SPATA17: variants seen among roughly 807,000 people sequenced by gnomAD.
SPATA17 encodes the protein spermatogenesis-associated protein 17.
Under a neutral mutation model 62.2 loss-of-function variants are expected in SPATA17, and 53 were observed. That is an observed-to-expected ratio of 0.85 (90% CI 0.68 to 1.07). The LOEUF (loss-of-function observed/expected upper bound fraction) is 1.07, where lower values mean the gene tolerates loss of function less well. Among genes scored for constraint, SPATA17 ranks in the 50% least tolerant of loss-of-function variants. The pLI is 0.00. For missense variants in SPATA17, 466 were observed against 425.5 expected, an observed-to-expected ratio of 1.10 and a Z score of -0.84; for synonymous variants, 146 against 146.8, an observed-to-expected ratio of 0.99 and a Z score of 0.04.
intron 7 of SPATA17, among the ~76,000 whole-genome samples, chr1:217,779,433 T>C (rs1032869661): frequency 6.6e-6 from 1 of 151,848 alleles, no homozygotes; most frequent in African/African-American, 2.4e-5. Flanking sequence ...TTCCTTCTTC[T>C]TCTGTCTCCT....
intron 6 of SPATA17, among the ~76,000 whole-genome samples, chr1:217,755,870 A>G (rs1673028883): frequency 6.6e-6 from 1 of 151,998 alleles, no homozygotes; most frequent in Non-Finnish European, 1.5e-5. Context: ...TTTTGTTTAT[A>G]TATCTATACC....
chr1:217,745,849 C>A (rs543362576), intron 6 of SPATA17, among the ~76,000 whole-genome samples: 1 of 152,100 alleles, frequency 6.6e-6, no homozygotes, highest in South Asian at 2.1e-4. Context: ...AATTAACAAC[C>A]ATTTATACTT....
chr1:217,632,634 T>C (rs562148400), intron 1 of SPATA17, among the ~76,000 whole-genome samples: 25 of 152,318 alleles, frequency 1.6e-4, no homozygotes, highest in African/African-American at 5.3e-4. Flanking sequence ...GTGTCTCTTA[T>C]TTTGCTCACC....
intron 5 of SPATA17, among the ~76,000 whole-genome samples, chr1:217,688,541 A>G (rs1671275815): frequency 6.6e-6 from 1 of 152,198 alleles, no homozygotes; most frequent in African/African-American, 2.4e-5. Context: ...TTAGACTGTC[A>G]CATAGGTCGA....
At chr1:217,746,396 T>C (rs1187863654) in intron 6 of SPATA17, among the ~76,000 whole-genome samples, 1 of 151,758 alleles carries the variant, frequency 6.6e-6, no homozygotes. Context: ...GATGTTAGTA[T>C]GGTTTATAGA....
At chr1:217,779,073 C>G (rs1212852434) in intron 7 of SPATA17, among the ~76,000 whole-genome samples, 1 of 150,616 alleles carries the variant, frequency 6.6e-6, no homozygotes, top group Non-Finnish European at 1.5e-5. Context: ...GGTATATCAG[C>G]CCATATGGAA....
intron 6 of SPATA17, among the ~76,000 whole-genome samples, chr1:217,747,129 G>A (rs1672778015): frequency 6.6e-6 from 1 of 152,020 alleles, no homozygotes; most frequent in Admixed American, 6.6e-5. Flanking sequence ...GGTTGATTTG[G>A]ATAAAGTAAA....
At chr1:217,822,330 T>C (rs1316023824) in intron 9 of SPATA17, among the ~76,000 whole-genome samples, 2 of 151,964 alleles carry the variant, frequency 1.3e-5, no homozygotes, top group East Asian at 3.9e-4. Context: ...AAAATCTTTT[T>C]AGACATTTAT....
intron 3 of SPATA17, among the ~76,000 whole-genome samples, chr1:217,657,972 C>G (rs909509643): frequency 6.6e-6 from 1 of 152,112 alleles, no homozygotes; most frequent in African/African-American, 2.4e-5. Context: ...GGAGGAAAAG[C>G]CCCCTATAAA....
intron 9 of SPATA17, among the ~76,000 whole-genome samples, chr1:217,806,372 C>T (rs995287446): frequency 1.3e-5 from 2 of 152,054 alleles, no homozygotes; most frequent in Admixed American, 6.6e-5. Flanking sequence ...TCTAGAGAGG[C>T]GGCCCCACTC....
chr1:217,761,027 T>A (rs1673160974), intron 6 of SPATA17, among the ~76,000 whole-genome samples: 1 of 151,912 alleles, frequency 6.6e-6, no homozygotes, highest in African/African-American at 2.4e-5. Flanking sequence ...CATAAGGGAG[T>A]CATAGTGAAG....
At chr1:217,711,000 C>A (rs1671848620) in intron 5 of SPATA17, among the ~76,000 whole-genome samples, 1 of 152,122 alleles carries the variant, frequency 6.6e-6, no homozygotes, top group African/African-American at 2.4e-5. Context: ...GTACATAATT[C>A]CTTGTTATTG....
intron 4 of SPATA17, among the ~76,000 whole-genome samples, chr1:217,677,353 T>C (rs1234223820): frequency 2.0e-5 from 3 of 152,098 alleles, no homozygotes; most frequent in Non-Finnish European, 2.9e-5. Context: ...GTGTCAGATA[T>C]ATAAAGATTC....
Position 217,667,087 on chromosome 1 carries a change from AC to A in SPATA17, c.241-1944del, listed in dbSNP as rs559486416. On this transcript the variant is annotated intron_variant, in intron 3 of 10. Coordinates refer to ENST00000366933, the MANE Select transcript of SPATA17 (RefSeq NM_138796.4). Reference sequence around the variant, plus strand: ...TTTTGTGACGGAGTCTCACTCTGTCACCTGGGCTGGAATGCAGTGGCTTGAT... The same window carrying A: ...TTTTGTGACGGAGTCTCACTCTGTCACTGGGCTGGAATGCAGTGGCTTGAT... Among the ~76,000 whole-genome samples the A allele has an allele frequency of 1.8e-4, 22 of 121,452 alleles. No homozygotes were observed. In the East Asian group the frequency reaches 5.0e-3, roughly 28 times the overall value. The allele number at this position is 121,452 out of a possible 152,430, so 79.7% of individuals were successfully genotyped here.
chr1:217,857,811 G>A (rs1411068021), intron 9 of SPATA17, among the ~76,000 whole-genome samples: 6 of 152,182 alleles, frequency 3.9e-5, no homozygotes, highest in African/African-American at 1.4e-4. Flanking sequence ...GAGCAATAAA[G>A]AGTTTCTGAA....
chr1:217,782,134 A>T (rs1293627507), intron 7 of SPATA17, 40 bp from the exon 8 acceptor site: 1 of 1,524,228 alleles, frequency 6.6e-7, no homozygotes. Context: ...CCTCAAAAAA[A>T]TCTTCCATAT....
At chr1:217,649,298 G>A (rs1670255371) in intron 2 of SPATA17, among the ~76,000 whole-genome samples, 1 of 152,008 alleles carries the variant, frequency 6.6e-6, no homozygotes, top group African/African-American at 2.4e-5. Context: ...GGCCAACAAG[G>A]TGAAACCCAG....
intron 9 of SPATA17, among the ~76,000 whole-genome samples, chr1:217,832,450 A>G (rs1675162836): frequency 6.6e-6 from 1 of 152,166 alleles, no homozygotes. Flanking sequence ...AATGCTGACA[A>G]TAAAAATGGA....
At position 217,720,021 on chromosome 1, in the gene SPATA17, A is replaced by G. The variant is rs1163473097; in HGVS notation, c.396-21954A>G. Among the ~76,000 whole-genome samples the G allele has an allele frequency of 2.0e-5, 3 of 152,220 alleles. No homozygotes were observed. The East Asian group carries it at 5.8e-4, about 29-fold the overall frequency. ...CAAAACTCACTAGCTGTTAGGCACT[A>G]CTGGTTCTCCTGCATAGAGCTAATA... On this transcript the variant is annotated intron_variant, in intron 5 of 10. Coordinates refer to ENST00000366933, the MANE Select transcript of SPATA17 (RefSeq NM_138796.4).
Sources: gnomAD v4.1 joint callset for allele counts (sites outside exome capture counted in the v4.1 genomes callset) on GRCh38, gnomAD v4.1.1 for gene constraint, MANE v1.5 for transcripts, NCBI Gene and HGNC (gene_info 2026-07-23, HGNC 2026-07-21) for gene names.